DLG2: variants seen among roughly 807,000 people sequenced by gnomAD.
DLG2 encodes the protein disks large homolog 2.
DLG2 carries 45 observed loss-of-function variants against 132.5 expected under a neutral mutation model. The observed-to-expected ratio is 0.34, with a 90% CI of 0.27 to 0.44. The LOEUF (loss-of-function observed/expected upper bound fraction) is 0.44, where lower values mean the gene tolerates loss of function less well. DLG2 is among the 20% of genes least tolerant of loss of function. The pLI is 1.00. For missense variants in DLG2, 1,045 were observed against 1,196.9 expected (o/e 0.87, Z 1.87); for synonymous variants, 424 against 419.6 (o/e 1.01, Z -0.13).
chr11:83,805,374 T>G (rs1244584900), intron 17 of DLG2, among the ~76,000 whole-genome samples: 1 of 152,032 alleles, frequency 6.6e-6, no homozygotes, highest in East Asian at 1.9e-4. Context: ...TATATAATTT[T>G]TCTCTATCAT....
At chr11:85,166,481 G>T (rs1387486078) in intron 4 of DLG2, among the ~76,000 whole-genome samples, 1 of 151,538 alleles carries the variant, frequency 6.6e-6, no homozygotes, top group Non-Finnish European at 1.5e-5. Context: ...AATTTCTTAA[G>T]AACTATTTAT....
At chr11:84,931,458 G>A (rs1048237479) in intron 6 of DLG2, among the ~76,000 whole-genome samples, 1 of 152,050 alleles carries the variant, frequency 6.6e-6, no homozygotes, top group East Asian at 1.9e-4. Context: ...AAGGATAATG[G>A]CCTCCAGCTC....
At chr11:84,672,347 A>C (rs1379087464) in intron 6 of DLG2, among the ~76,000 whole-genome samples, 1 of 152,130 alleles carries the variant, frequency 6.6e-6, no homozygotes, top group Non-Finnish European at 1.5e-5. Context: ...GGTACGTAGA[A>C]GCATATCTCA....
rs965757459 is a variant in DLG2, at chr11:84,862,821, G to A, written c.357+248840C>T. Among the ~76,000 whole-genome samples the A allele has an allele frequency of 7.3e-5, 10 of 136,214 alleles. 1 individual carries two copies. The highest frequency in any genetic ancestry group is 2.6e-4 in the African/African-American group (10 of 38,014). 89.4% of individuals were successfully genotyped at this position (136,214 alleles called of 152,430 possible). On this transcript the variant is annotated intron_variant, in intron 6 of 27. Coordinates refer to ENST00000376104, the MANE Select transcript of DLG2 (RefSeq NM_001142699.3). ...ACATCACACACCAGGTCCTGTCGGG[G>A]GGGGGGGGTGGGGGACTAGGGGAGG...
intron 3 of DLG2, among the ~76,000 whole-genome samples, chr11:85,471,887 A>G (rs1020219218): frequency 3.9e-5 from 6 of 152,200 alleles, no homozygotes; most frequent in Non-Finnish European, 8.8e-5. Context: ...CTAGACACCA[A>G]TGACAAAGAA....
intron 11 of DLG2, among the ~76,000 whole-genome samples, chr11:84,015,838 A>G (rs57109942): frequency 0.037 from 5,629 of 152,220 alleles, 312 homozygotes; most frequent in African/African-American, 0.12. Flanking sequence ...TAGTGCTACA[A>G]TGAACTTACA....
At chr11:84,539,099 A>G (rs2099362071) in intron 6 of DLG2, among the ~76,000 whole-genome samples, 2 of 152,182 alleles carry the variant, frequency 1.3e-5, no homozygotes, top group African/African-American at 4.8e-5. Context: ...AGCTACAGTT[A>G]ATGTACCTGG....
chr11:84,274,317 G>A (rs866699893), intron 7 of DLG2, among the ~76,000 whole-genome samples: 5 of 152,118 alleles, frequency 3.3e-5, no homozygotes, highest in East Asian at 1.9e-4. Context: ...AAAGGAATCC[G>A]TACTCTAAGG....
chr11:84,698,650 A>G (rs940088236), intron 6 of DLG2, among the ~76,000 whole-genome samples: 2 of 151,574 alleles, frequency 1.3e-5, no homozygotes, highest in African/African-American at 4.8e-5. Context: ...AAAGATGTGT[A>G]TCTGAAAAAA....
intron 8 of DLG2, among the ~76,000 whole-genome samples, chr11:84,250,546 T>G (rs2097358143): frequency 6.6e-6 from 1 of 152,180 alleles, no homozygotes; most frequent in Non-Finnish European, 1.5e-5. Context: ...TATCCTCCAC[T>G]CATCAGCTAG....
intron 3 of DLG2, among the ~76,000 whole-genome samples, chr11:85,412,663 C>G (rs1482086438): frequency 6.7e-6 from 1 of 149,626 alleles, no homozygotes; most frequent in Admixed American, 6.7e-5. Flanking sequence ...TAATAGTCTC[C>G]AATCTCATCC....
intron 20 of DLG2, among the ~76,000 whole-genome samples, chr11:83,535,916 G>A (rs1322402829): frequency 6.6e-6 from 1 of 152,170 alleles, no homozygotes; most frequent in African/African-American, 2.4e-5. Context: ...AAGCTTGCCA[G>A]ATCAGAAACT....
At chr11:84,840,852 CA>C (rs2080551571) in intron 6 of DLG2, among the ~76,000 whole-genome samples, 1 of 151,652 alleles carries the variant, frequency 6.6e-6, no homozygotes, top group Admixed American at 6.6e-5. Flanking sequence ...GGGTAGGGGG[CA>C]GGGGGAGGGA....
chr11:85,410,420 A>G (rs1216687179), intron 3 of DLG2, among the ~76,000 whole-genome samples: 3 of 151,782 alleles, frequency 2.0e-5, no homozygotes, highest in Non-Finnish European at 2.9e-5. Context: ...TAAAGTAGAA[A>G]AAGGTGCCCC....
At chr11:83,923,931 G>T (rs2078440757) in intron 15 of DLG2, among the ~76,000 whole-genome samples, 1 of 152,008 alleles carries the variant, frequency 6.6e-6, no homozygotes, top group Admixed American at 6.6e-5. Flanking sequence ...CCTCAGCTTG[G>T]TAAGTAAGAT....
chr11:84,248,388 C>T (rs137997178), intron 8 of DLG2, among the ~76,000 whole-genome samples: 120 of 151,984 alleles, frequency 7.9e-4, no homozygotes, highest in African/African-American at 2.6e-3. Context: ...ATCTCTGAGG[C>T]AGGTATTATA....
intron 11 of DLG2, among the ~76,000 whole-genome samples, chr11:84,016,399 G>A (rs1248093074): frequency 1.3e-5 from 2 of 152,012 alleles, no homozygotes; most frequent in East Asian, 3.9e-4. Flanking sequence ...ATTACTTTTG[G>A]TGTCTTCATC....
intron 3 of DLG2, among the ~76,000 whole-genome samples, chr11:85,387,883 C>T (rs536865582): frequency 6.6e-6 from 1 of 152,260 alleles, no homozygotes; most frequent in East Asian, 1.9e-4. Flanking sequence ...TTTGGAAACC[C>T]ACGTCATGAA....
chr11:83,786,531 C>T (rs189212761), intron 18 of DLG2, 159 bp downstream of exon 18: 42 of 587,278 alleles, frequency 7.2e-5, no homozygotes, highest in South Asian at 3.1e-4. Flanking sequence ...AACAAAGCCA[C>T]GGTTCACGTT....
Sources: allele counts gnomAD v4.1 joint callset (sites outside exome capture counted in the v4.1 genomes callset), GRCh38; gene constraint gnomAD v4.1.1; transcripts MANE v1.5; gene names NCBI Gene and HGNC (gene_info 2026-07-23, HGNC 2026-07-21).